Variants in SMAD6 observed in about 807,000 individuals in gnomAD.
The protein encoded by SMAD6 is MAD homolog 6.
A neutral mutation model predicts 39.4 loss-of-function variants in SMAD6; 103 were observed. The ratio of observed to expected loss-of-function variants is 2.62; its 90% CI spans 2.23 to 3.08. The LOEUF (loss-of-function observed/expected upper bound fraction) is 3.08. SMAD6 is among the 30% of genes most tolerant of loss of function. The pLI, the probability that SMAD6 is intolerant of heterozygous loss-of-function variation, is 0.00. For synonymous variants in SMAD6, 445 were observed against 353.3 expected, an observed-to-expected ratio of 1.26 and a Z score of -2.91; for missense variants, 1,104 against 742.9, an observed-to-expected ratio of 1.49 and a Z score of -5.65.
At chr15:66,754,899 A>C (rs889624423) in intron 3 of SMAD6, among the ~76,000 whole-genome samples, 1 of 152,144 alleles carries the variant, frequency 6.6e-6, no homozygotes, top group East Asian at 1.9e-4. Context: ...GGGGGTGCTA[A>C]TGTGTCTCAG....
chr15:66,769,401 A>G (rs1336553367), intron 3 of SMAD6, among the ~76,000 whole-genome samples: 4 of 152,208 alleles, frequency 2.6e-5, no homozygotes. Context: ...CCACGGTAAC[A>G]TAGCTGTGAA....
chr15:66,781,093 A>G lies in SMAD6; in HGVS notation c.1049A>G (p.Tyr350Cys). 1.2e-6 allele frequency: 2 copies of G among 1,608,242 alleles called. No individual in the cohort carries two copies. The highest frequency in any genetic ancestry group is 1.7e-6 in the Non-Finnish European group (2 of 1,179,468). Residue 350 changes from tyrosine to cysteine, a missense_variant, in exon 4 of 4, where the codon TAC becomes TGC. By Grantham distance (194) the Tyr-to-Cys change is radical. Coordinates refer to ENST00000288840, the MANE Select transcript of SMAD6 (RefSeq NM_005585.5). ...CGCGTGGGCCGCCTCTATGCGGTGT[A>G]CGACCAGGCCGTCAGCATCTTCTAC... ...RTRVGRLYAV[Y>C]DQAVSIFYDL...
chr15:66,781,290 A>C lies in SMAD6; in HGVS notation c.1246A>C (p.Thr416Pro). The C allele has an allele frequency of 6.2e-7, 1 of 1,604,600 alleles. No homozygotes were observed. Among genetic ancestry groups the C allele is most frequent in the Non-Finnish European group, 8.5e-7 (1 of 1,177,130 alleles). Reference sequence around the variant, plus strand: ...GCACCCCATCTTCGTCAACTCCCCGACGCTGGACGCGCCCGGCGGCCGCGC... The same window carrying C: ...GCACCCCATCTTCGTCAACTCCCCGCCGCTGGACGCGCCCGGCGGCCGCGC... ...GEHPIFVNSP[T>P]LDAPGGRALV... The change falls in exon 4 of 4, where the codon ACG becomes CCG. Residue 416 changes from threonine (T) to proline (P), a missense_variant. By Grantham distance (38) the Thr-to-Pro change is conservative (BLOSUM62 -1). Coordinates refer to ENST00000288840, the MANE Select transcript of SMAD6 (RefSeq NM_005585.5).
chr15:66,738,865 T>G (rs1210056021), intron 3 of SMAD6, among the ~76,000 whole-genome samples: 1 of 152,026 alleles, frequency 6.6e-6, no homozygotes, highest in Non-Finnish European at 1.5e-5. Context: ...GTGTAGGTGG[T>G]ATCTTTGAGT....
intron 3 of SMAD6, among the ~76,000 whole-genome samples, chr15:66,729,483 G>T (rs577214203): frequency 2.0e-4 from 30 of 152,334 alleles, no homozygotes; most frequent in African/African-American, 7.0e-4. Context: ...CTTGCTGGGA[G>T]TTGGGTCAAG....
intron 3 of SMAD6, among the ~76,000 whole-genome samples, chr15:66,745,734 G>C (rs1389199093): frequency 2.0e-5 from 3 of 152,232 alleles, no homozygotes; most frequent in Non-Finnish European, 1.5e-5. Context: ...CCGGCTTGCT[G>C]TGTGACCTTG....
At chr15:66,741,144 T>TC (rs984283949) in intron 3 of SMAD6, 3 of 147,830 alleles carry the variant, frequency 2.0e-5, no homozygotes, top group South Asian at 2.1e-4. Flanking sequence ...AAAAAAAATC[T>TC]CCATCTTCTC....
At chr15:66,758,919 T>A (rs11071914) in intron 3 of SMAD6, among the ~76,000 whole-genome samples, 79,047 of 151,924 alleles carry the variant, frequency 0.52, 21,020 homozygotes, top group East Asian at 0.75. Context: ...GAAGTAATAA[T>A]ATTTCAGGCA....
chr15:66,732,871 G>A (rs1433089609), intron 3 of SMAD6, among the ~76,000 whole-genome samples: 1 of 151,714 alleles, frequency 6.6e-6, no homozygotes, highest in Non-Finnish European at 1.5e-5. Context: ...TTTTATGTCA[G>A]TTATATGAAT....
rs547936323 is a variant in SMAD6 at position 66,723,778 on chromosome 15, G to T, written c.952+7280G>T. Among the ~76,000 whole-genome samples, 3 of 152,344 alleles carry T rather than the reference G, an allele frequency of 2.0e-5. No homozygotes were observed. The East Asian group carries it at 5.8e-4, about 29-fold the overall frequency. ...CCAGTGGCAGATGATAGAAAATGGA[G>T]AAAGACTGGACCTTCCCCTCTAGGA... is the stretch of plus-strand genomic sequence containing the variant. On this transcript the variant is annotated intron_variant, in intron 3 of 3. Coordinates refer to ENST00000288840, the MANE Select transcript of SMAD6 (RefSeq NM_005585.5).
chr15:66,718,443 C>CA (rs1174310426), intron 3 of SMAD6, among the ~76,000 whole-genome samples: 1 of 152,134 alleles, frequency 6.6e-6, no homozygotes, highest in African/African-American at 2.4e-5. Context: ...CATGACTGTG[C>CA]AAAAGGACTG....
At chr15:66,709,838 G>T (rs1893192946) in intron 1 of SMAD6, among the ~76,000 whole-genome samples, 1 of 152,166 alleles carries the variant, frequency 6.6e-6, no homozygotes, top group Admixed American at 6.5e-5. Flanking sequence ...CCCTTCCTAT[G>T]CCCTGCCTCT....
chr15:66,703,328 G>C lies in SMAD6; in HGVS notation c.70G>C (p.Glu24Gln). The change falls in exon 1 of 4, where the codon GAA (glutamate) becomes CAA (glutamine). Residue 24 changes from glutamate (E) to glutamine (Q), a missense_variant. Physicochemically the swap from Glu to Gln is conservative, Grantham distance 29. Transcript: ENST00000288840. The part of the protein sequence containing the change: ...WRSRVVPDRE[E>Q]GGSGGGGGGD... ...AAGTCGTGTGGTCCCCGACCGGGAG[G>C]AAGGCGGCAGCGGCGGCGGCGGTGG... 6.7e-7 allele frequency: 1 copy of C among 1,487,882 alleles called. No individual in the cohort carries two copies. The highest frequency in any genetic ancestry group is 1.3e-5 in the South Asian group (1 of 77,942). 92.2% of individuals were successfully genotyped at this position (1,487,882 alleles called of 1,614,324 possible).
chr15:66,771,267 C>A (rs919734166), intron 3 of SMAD6, among the ~76,000 whole-genome samples: 6 of 152,162 alleles, frequency 3.9e-5, no homozygotes, highest in African/African-American at 1.4e-4. Flanking sequence ...CTGAGCAGGC[C>A]TGTGTAGTAG....
At position 66,703,609 on chromosome 15, in the gene SMAD6, C is replaced by A. The variant is rs770962715; in HGVS notation, c.351C>A (p.Pro117=). 1.6e-6 allele frequency: 2 copies of A among 1,230,600 alleles called. No homozygotes were observed. The highest frequency in any genetic ancestry group is 2.0e-6 in the Non-Finnish European group (2 of 984,184). 76.2% of individuals were successfully genotyped at this position (1,230,600 alleles called of 1,614,324 possible). A position where few individuals can be genotyped will look rare whatever the true frequency, so the allele number is the denominator to read the frequency against. ...VAEPGGPGWL[P]ESDCETVTCC... ...AGCCGGGAGGCCCGGGCTGGCTGCC[C>A]GAGAGTGACTGCGAGACGGTGACCT... is the stretch of plus-strand genomic sequence containing the variant. Residue 117 remains proline (P), a synonymous_variant, in exon 1 of 4, where the codon CCC becomes CCA. Transcript: ENST00000288840.
chr15:66,716,075 A>G (rs1893323472), intron 2 of SMAD6, among the ~76,000 whole-genome samples: 1 of 152,194 alleles, frequency 6.6e-6, no homozygotes, highest in African/African-American at 2.4e-5. Context: ...GCAACTATGA[A>G]TTGTTTAGGG....
rs891680689 is a variant in SMAD6 at position 66,722,675 on chromosome 15, T to A, written c.952+6177T>A. On this transcript the variant is annotated intron_variant, in intron 3 of 3. Coordinates refer to ENST00000288840, the MANE Select transcript of SMAD6 (RefSeq NM_005585.5). ...CCCTCGCCATGTGTCTTTTTAGCTT[T>A]GACCAACCAAAGGGAAAAGAAATGC... Among the ~76,000 whole-genome samples, 94 of 152,224 alleles carry A rather than the reference T, an allele frequency of 6.2e-4. 1 individual carries two copies. The highest frequency in any genetic ancestry group is 6.1e-3 in the Admixed American group (94 of 15,286).
intron 3 of SMAD6, among the ~76,000 whole-genome samples, chr15:66,736,311 G>C (rs1055952927): frequency 4.6e-5 from 7 of 152,182 alleles, no homozygotes; most frequent in South Asian, 4.2e-4. Flanking sequence ...CCAATACTGG[G>C]GACATACGCA....
At chr15:66,763,077 T>C (rs559888452) in intron 3 of SMAD6, among the ~76,000 whole-genome samples, 1 of 152,286 alleles carries the variant, frequency 6.6e-6, no homozygotes, top group Non-Finnish European at 1.5e-5. Flanking sequence ...ATGTCCAAAG[T>C]GCCCTCAAGG....
Sources: allele counts gnomAD v4.1 joint callset (sites outside exome capture counted in the v4.1 genomes callset), GRCh38; gene constraint gnomAD v4.1.1; transcripts MANE v1.5; gene names NCBI Gene and HGNC (gene_info 2026-07-23, HGNC 2026-07-21).